Variants in TANK observed in about 807,000 individuals in gnomAD.
TANK encodes the protein TRAF family member associated NFKB activator.
TANK carries 15 observed loss-of-function variants against 43.6 expected under a neutral mutation model. That is an observed-to-expected ratio of 0.34 (90% confidence interval 0.23 to 0.53). The LOEUF (loss-of-function observed/expected upper bound fraction) is 0.53, where lower values mean the gene tolerates loss of function less well. Ranked by LOEUF, TANK falls within the 20% of genes least tolerant of loss-of-function variation. The probability of loss-of-function intolerance (pLI) is 0.94; values close to 1 mark genes in which losing one functional copy is unlikely to be tolerated. For missense variants in TANK, 417 were observed against 498.6 expected (o/e 0.84, Z 1.56); for synonymous variants, 162 against 178.2 (o/e 0.91, Z 0.73).
intron 6 of TANK, among the ~76,000 whole-genome samples, chr2:161,228,136 CAG>C (rs1559009355): frequency 1.3e-5 from 2 of 152,158 alleles, no homozygotes; most frequent in Admixed American, 6.5e-5. Flanking sequence ...TGGGAAGAAA[CAG>C]AGTTATACTT....
At chr2:161,193,858 C>T (rs765094817) in intron 2 of TANK, among the ~76,000 whole-genome samples, 15 of 152,296 alleles carry the variant, frequency 9.8e-5, no homozygotes, top group Non-Finnish European at 1.5e-4. Flanking sequence ...TATCCTCTAG[C>T]TGGGTGACCA....
chr2:161,171,279 T>A (rs1411316798), intron 1 of TANK, among the ~76,000 whole-genome samples: 1 of 152,224 alleles, frequency 6.6e-6, no homozygotes, highest in Non-Finnish European at 1.5e-5. Flanking sequence ...TGTTGCATGG[T>A]ACTGGATTAA....
chr2:161,154,579 T>C (rs1256543045), intron 1 of TANK, among the ~76,000 whole-genome samples: 3 of 152,234 alleles, frequency 2.0e-5, no homozygotes, highest in South Asian at 4.1e-4. Context: ...ATAGTAGCAA[T>C]GGGGACATAG....
intron 6 of TANK, among the ~76,000 whole-genome samples, chr2:161,226,586 C>T (rs1687627317): frequency 6.6e-6 from 1 of 152,022 alleles, no homozygotes; most frequent in African/African-American, 2.4e-5. Context: ...TGTATTGTCC[C>T]TATGTTATTT....
chr2:161,234,049 C>CA (rs1240866901), intron 7 of TANK, among the ~76,000 whole-genome samples: 4 of 152,090 alleles, frequency 2.6e-5, no homozygotes, highest in Non-Finnish European at 5.9e-5. Context: ...ATTGAGTCAG[C>CA]ATTATTATAA....
chr2:161,189,683 TAAAC>T (rs1165064885), intron 2 of TANK, among the ~76,000 whole-genome samples: 1 of 152,126 alleles, frequency 6.6e-6, no homozygotes, highest in Non-Finnish European at 1.5e-5. Flanking sequence ...TTAGAACTAA[TAAAC>T]AAATTCAGTA....
intron 2 of TANK, among the ~76,000 whole-genome samples, chr2:161,183,999 A>G (rs1486249777): frequency 6.6e-6 from 1 of 152,148 alleles, no homozygotes; most frequent in African/African-American, 2.4e-5. Context: ...TTGGTCTATG[A>G]GAATCAGTTA....
At chr2:161,228,170 A>T (rs904609317) in intron 6 of TANK, among the ~76,000 whole-genome samples, 3 of 152,232 alleles carry the variant, frequency 2.0e-5, no homozygotes, top group African/African-American at 7.2e-5. Flanking sequence ...CATGTGCCAA[A>T]TGACATTTTC....
At chr2:161,165,547 A>G (rs921577590) in intron 1 of TANK, among the ~76,000 whole-genome samples, 2 of 152,172 alleles carry the variant, frequency 1.3e-5, no homozygotes, top group African/African-American at 4.8e-5. Flanking sequence ...TTAAAAATCC[A>G]TATTTCCTTT....
chr2:161,227,727 C>T (rs931005872), intron 6 of TANK, among the ~76,000 whole-genome samples: 7 of 152,204 alleles, frequency 4.6e-5, no homozygotes, highest in East Asian at 1.9e-4. Flanking sequence ...CTCTCCTCTT[C>T]GGGTGTTACA....
At chr2:161,221,763 C>T (rs1687356669) in intron 4 of TANK, among the ~76,000 whole-genome samples, 1 of 151,408 alleles carries the variant, frequency 6.6e-6, no homozygotes, top group Admixed American at 6.6e-5. Flanking sequence ...AATATACTAA[C>T]AGCTTTATTT....
intron 2 of TANK, among the ~76,000 whole-genome samples, chr2:161,188,560 G>T (rs1222558411): frequency 6.6e-6 from 1 of 152,078 alleles, no homozygotes; most frequent in Non-Finnish European, 1.5e-5. Flanking sequence ...AAAAGCCTAG[G>T]ATGAGATAGC....
chr2:161,139,743 A>T, intron 1 of TANK: 2 of 985,432 alleles, frequency 2.0e-6, no homozygotes, highest in Non-Finnish European at 2.4e-6. Context: ...AAACTAACAG[A>T]AAAAGAATGA....
intron 2 of TANK, among the ~76,000 whole-genome samples, chr2:161,196,969 G>A (rs1242862642): frequency 1.3e-5 from 2 of 152,188 alleles, no homozygotes; most frequent in African/African-American, 4.8e-5. Flanking sequence ...ATAATGTGTT[G>A]CTGAGTTGAA....
chr2:161,180,170 T>C (rs1346740505), intron 2 of TANK: 1 of 919,594 alleles, frequency 1.1e-6, no homozygotes, highest in African/African-American at 1.8e-5. Context: ...AATCTTAAAA[T>C]ATTTAAGAAC....
intron 1 of TANK, 56 bp from the exon 2 acceptor site, chr2:161,179,558 T>A (rs1685325004): frequency 2.0e-6 from 3 of 1,463,864 alleles, no homozygotes; most frequent in Non-Finnish European, 1.8e-6. Context: ...GATGCATTTT[T>A]AAAATGAGGT....
chr2:161,142,639 T>G (rs1302259378), intron 1 of TANK, among the ~76,000 whole-genome samples: 1 of 152,060 alleles, frequency 6.6e-6, no homozygotes, highest in Non-Finnish European at 1.5e-5. Context: ...TGTAGATGTG[T>G]GGTGTTATTT....
intron 1 of TANK, among the ~76,000 whole-genome samples, chr2:161,165,268 A>G (rs561460229): frequency 1.2e-4 from 18 of 152,148 alleles, no homozygotes; most frequent in African/African-American, 4.3e-4. Context: ...AAACAACCCA[A>G]TCAGGTAATA....
intron 2 of TANK, among the ~76,000 whole-genome samples, chr2:161,198,058 G>T (rs1306907332): frequency 6.6e-6 from 1 of 152,146 alleles, no homozygotes; most frequent in Admixed American, 6.5e-5. Context: ...CAGATACGGA[G>T]ATGAGACTCA....
Sources: gnomAD v4.1 joint callset for allele counts (sites outside exome capture counted in the v4.1 genomes callset) on GRCh38, gnomAD v4.1.1 for gene constraint, MANE v1.5 for transcripts, NCBI Gene and HGNC (gene_info 2026-07-23, HGNC 2026-07-21) for gene names.